CFAP251: variants seen among roughly 807,000 people sequenced by gnomAD.
The protein encoded by CFAP251 is cilia- and flagella-associated protein 251.
In CFAP251, 93 loss-of-function variants were observed where a neutral mutation model predicts 126.7. The observed-to-expected ratio is 0.73, with a 90% CI of 0.62 to 0.87. CFAP251 has a LOEUF of 0.87. Ranked by LOEUF, CFAP251 falls within the 40% of genes least tolerant of loss-of-function variation. The pLI, the probability that CFAP251 is intolerant of heterozygous loss-of-function variation, is 0.00. For synonymous variants in CFAP251, 503 were observed against 506.9 expected, an observed-to-expected ratio of 0.99 and a Z score of 0.10; for missense variants, 1,287 against 1,389.2, an observed-to-expected ratio of 0.93 and a Z score of 1.17.
rs187591575 is a variant in CFAP251 at position 121,986,698 on chromosome 12, A to G, written c.3006+11013A>G. Among the ~76,000 whole-genome samples the G allele has an allele frequency of 9.6e-4, 145 of 151,426 alleles. 1 individual carries two copies. The Middle Eastern group carries it at 0.01, about 11-fold the overall frequency. Reference sequence around the variant, plus strand: ...GAGGATCACATGAGCCCAGAGGTCAAGGCTGCAGTGAGCCATGATTGCACC... The same window carrying G: ...GAGGATCACATGAGCCCAGAGGTCAGGGCTGCAGTGAGCCATGATTGCACC... On this transcript the variant is annotated intron_variant, in intron 19 of 21. Transcript: ENST00000288912.
intron 17 of CFAP251, chr12:121,971,664 G>T (rs1882331398): frequency 4.3e-6 from 3 of 702,220 alleles, no homozygotes; most frequent in South Asian, 1.5e-5. Flanking sequence ...GTGGAGCTGG[G>T]ATTCACAGCC....
chr12:121,994,968 A>T (rs929296831), intron 19 of CFAP251, among the ~76,000 whole-genome samples: 31 of 80,438 alleles, frequency 3.9e-4, no homozygotes, highest in East Asian at 1.6e-3. Context: ...AAAATAAATT[A>T]AAAAAAAAAT....
intron 1 of CFAP251, among the ~76,000 whole-genome samples, chr12:121,920,574 T>G (rs1283168475): frequency 6.6e-6 from 1 of 151,994 alleles, no homozygotes; most frequent in Non-Finnish European, 1.5e-5. Context: ...TTTTTTGTAT[T>G]TTTAGTAGAG....
At position 121,955,011 on chromosome 12, in the gene CFAP251, T is replaced by G. The variant is rs374256191; in HGVS notation, c.1535+677T>G. On this transcript the variant is annotated intron_variant, in intron 10 of 21. Transcript: ENST00000288912. ...GTATTATTTTTGTCTGATTACAAGA[T>G]AACATTTACAGCTGGGAGCGGTGGC... Among the ~76,000 whole-genome samples, 27 of 152,276 alleles carry G rather than the reference T, an allele frequency of 1.8e-4. 1 individual carries two copies. The South Asian group carries it at 4.8e-3, about 27-fold the overall frequency.
At position 121,975,314 on chromosome 12, in the gene CFAP251, C is replaced by T. The variant is rs757199442; in HGVS notation, c.2842C>T (p.Arg948Trp). The T allele has an allele frequency of 1.9e-5, 30 of 1,613,936 alleles. No individual in the cohort carries two copies. In the South Asian group the frequency reaches 2.1e-4, roughly 11 times the overall value. ...ATTCTATGGTCTGCTGTCTGGTGGC[C>T]GGGAAGGAAAATTCTACAGGGTAAT... ...TPFYGLLSGG[R>W]EGKFYRELED... Residue 948 changes from arginine to tryptophan, a missense_variant, in exon 18 of 22, where the codon CGG becomes TGG. By Grantham distance (101) the Arg-to-Trp change is moderately radical (BLOSUM62 -3). Coordinates refer to ENST00000288912, the MANE Select transcript of CFAP251 (RefSeq NM_144668.6).
chr12:121,930,364 G>C, intron 3 of CFAP251, among the ~76,000 whole-genome samples: 1 of 151,998 alleles, frequency 6.6e-6, no homozygotes, highest in Non-Finnish European at 1.5e-5. Context: ...GTGCATGCCT[G>C]TACTCCAAGC....
At chr12:121,928,709 T>A (rs1290438457) in intron 3 of CFAP251, among the ~76,000 whole-genome samples, 2 of 140,688 alleles carry the variant, frequency 1.4e-5, no homozygotes, top group African/African-American at 2.6e-5. Flanking sequence ...TATATATTTT[T>A]TTTTTGAGAC....
At position 121,967,046 on chromosome 12, in the gene CFAP251, T is replaced by G; in HGVS notation, c.2584T>G (p.Leu862Val). The G allele has an allele frequency of 1.2e-6, 2 of 1,614,184 alleles. No individual in the cohort carries two copies. The highest frequency in any genetic ancestry group is 1.7e-5 in the Admixed American group (1 of 60,018). The change falls in exon 16 of 22, where the codon TTG becomes GTG. Residue 862 changes from leucine to valine, a missense_variant. By Grantham distance (32) the Leu-to-Val change is conservative. Coordinates refer to ENST00000288912, the MANE Select transcript of CFAP251 (RefSeq NM_144668.6). ...RSMAELQKRY[L>V]VFINRDKVGL... ...CATGGCGGAGCTACAGAAACGCTAC[T>G]TGGTGTTTATTAACAGAGACAAGGT...
intron 21 of CFAP251, among the ~76,000 whole-genome samples, chr12:122,002,080 C>T (rs1883164507): frequency 1.3e-5 from 2 of 151,740 alleles, no homozygotes; most frequent in African/African-American, 2.4e-5. Context: ...CCAGGCTGGG[C>T]GCAGTGGCTC....
chr12:121,925,789 C>T (rs1720068), intron 3 of CFAP251, among the ~76,000 whole-genome samples: 45,485 of 152,086 alleles, frequency 0.3, 7,150 homozygotes, highest in East Asian at 0.5. Flanking sequence ...GGAACCAAAA[C>T]GGCAGAACCA....
chr12:121,953,000 A>G (rs1020953222), intron 9 of CFAP251: 10 of 152,214 alleles, frequency 6.6e-5, no homozygotes, highest in Admixed American at 4.6e-4. Flanking sequence ...CAATTGATCA[A>G]TACATAAGCT....
intron 15 of CFAP251, among the ~76,000 whole-genome samples, chr12:121,964,112 G>A (rs1882041555): frequency 6.6e-6 from 1 of 151,884 alleles, no homozygotes; most frequent in South Asian, 2.1e-4. Context: ...TCTCAGATAA[G>A]ACAGGTCCTC....
chr12:121,955,068 C>T (rs1881681162), intron 10 of CFAP251, among the ~76,000 whole-genome samples: 2 of 152,004 alleles, frequency 1.3e-5, no homozygotes, highest in South Asian at 4.1e-4. Context: ...TTTGGGAGGC[C>T]GAGGCGGGTG....
Position 121,919,503 on chromosome 12 carries a change from G to A in CFAP251, c.-21+808G>A, listed in dbSNP as rs78132630. On this transcript the variant is annotated intron_variant, in intron 1 of 21. Coordinates refer to ENST00000288912, the MANE Select transcript of CFAP251 (RefSeq NM_144668.6). ...TTTTCAAGCTGTATGTGCCAGAATT[G>A]TGATGAGCATTTTATATATGTTATC... is the stretch of plus-strand genomic sequence containing the variant. Among the ~76,000 whole-genome samples, 197 of 152,250 alleles carry A rather than the reference G, an allele frequency of 1.3e-3. 5 individuals are homozygous for A. The East Asian group carries it at 0.036, about 28-fold the overall frequency.
intron 3 of CFAP251, among the ~76,000 whole-genome samples, chr12:121,925,904 G>T (rs916513852): frequency 1.3e-5 from 2 of 152,080 alleles, no homozygotes; most frequent in Admixed American, 6.6e-5. Context: ...GAGTGCAGTG[G>T]CGTGATCTTG....
chr12:121,952,494 A>C (rs1342587868), intron 9 of CFAP251, among the ~76,000 whole-genome samples: 1 of 152,114 alleles, frequency 6.6e-6, no homozygotes, highest in Non-Finnish European at 1.5e-5. Context: ...AAAGCTGCTC[A>C]GTTTCAGAAT....
intron 6 of CFAP251, 48 bp downstream of exon 6, chr12:121,942,693 G>A (rs1278439609): frequency 2.0e-6 from 3 of 1,465,904 alleles, no homozygotes; most frequent in Non-Finnish European, 9.4e-7. Context: ...TGGCCGACCT[G>A]TGCAGCGTGT....
intron 1 of CFAP251, among the ~76,000 whole-genome samples, chr12:121,920,645 G>C (rs533961311): frequency 6.6e-6 from 1 of 151,862 alleles, no homozygotes; most frequent in Non-Finnish European, 1.5e-5. Flanking sequence ...ATCCACCCGC[G>C]TCAGCCTCCC....
intron 15 of CFAP251, among the ~76,000 whole-genome samples, chr12:121,965,051 G>A (rs567126655): frequency 6.6e-6 from 1 of 152,244 alleles, no homozygotes; most frequent in Admixed American, 6.5e-5. Context: ...TAAGCTGTAG[G>A]AATAAGAAAG....
Sources: gnomAD v4.1 joint callset for allele counts (sites outside exome capture counted in the v4.1 genomes callset) on GRCh38, gnomAD v4.1.1 for gene constraint, MANE v1.5 for transcripts, NCBI Gene and HGNC (gene_info 2026-07-23, HGNC 2026-07-21) for gene names.